The following IGF2BP3 variants were observed in gnomAD, a reference collection of about 807,000 sequenced individuals.
IGF2BP3 encodes the protein insulin like growth factor 2 mRNA binding protein 3.
IGF2BP3 carries 9 observed loss-of-function variants against 73.8 expected under a neutral mutation model. The observed-to-expected ratio is 0.12, with a 90% CI of 0.07 to 0.21. The LOEUF (loss-of-function observed/expected upper bound fraction) is 0.21. IGF2BP3 is among the 10% of genes least tolerant of loss of function. The probability of loss-of-function intolerance (pLI) is 1.00; values close to 1 mark genes in which losing one functional copy is unlikely to be tolerated. For synonymous variants in IGF2BP3, 258 were observed against 256.7 expected, an observed-to-expected ratio of 1.01 and a Z score of -0.05; for missense variants, 542 against 714.0, an observed-to-expected ratio of 0.76 and a Z score of 2.75.
chr7:23,380,794 T>C (rs571558290), intron 3 of IGF2BP3, among the ~76,000 whole-genome samples: 1 of 152,168 alleles, frequency 6.6e-6, no homozygotes, highest in Non-Finnish European at 1.5e-5. Flanking sequence ...GAGACTGGGA[T>C]GATGCAGCTA....
At chr7:23,352,272 TTTTTC>T (rs1471477818) in intron 5 of IGF2BP3, among the ~76,000 whole-genome samples, 1 of 144,474 alleles carries the variant, frequency 6.9e-6, no homozygotes, top group African/African-American at 2.6e-5. Context: ...AGTTTCTCTC[TTTTTC>T]ATTTTTTTTT....
chr7:23,404,615 T>C (rs1378340591), intron 3 of IGF2BP3, among the ~76,000 whole-genome samples: 2 of 152,180 alleles, frequency 1.3e-5, no homozygotes, highest in Non-Finnish European at 2.9e-5. Context: ...ATATATACAA[T>C]AGACATCTAG....
At chr7:23,435,889 T>C (rs770932191) in intron 2 of IGF2BP3, among the ~76,000 whole-genome samples, 3 of 152,022 alleles carry the variant, frequency 2.0e-5, no homozygotes, top group Admixed American at 2.0e-4. Flanking sequence ...TCCTGAGTCA[T>C]TGGAATTACA....
At chr7:23,333,036 A>T (rs1044641302) in intron 10 of IGF2BP3, among the ~76,000 whole-genome samples, 1 of 152,186 alleles carries the variant, frequency 6.6e-6, no homozygotes, top group African/African-American at 2.4e-5. Flanking sequence ...TTTTGTCATG[A>T]CTGTGTAATT....
In IGF2BP3 at chr7:23,310,239, C is replaced by G. The variant is rs1180219701; in HGVS notation, c.*2123G>C. On this transcript the variant is annotated 3_prime_UTR_variant, in exon 15 of 15. Transcript: ENST00000258729. ...CTAAATGATGAAAAAATTTATTCTGCGTCAAGGTATCTGGAAAATGAAGCT... is the reference window on the plus strand; with the variant it reads ...CTAAATGATGAAAAAATTTATTCTGGGTCAAGGTATCTGGAAAATGAAGCT... The G allele has an allele frequency of 1.3e-5, 2 of 152,208 alleles. No individual in the cohort carries two copies. Among genetic ancestry groups the G allele is most frequent in the South Asian group, 2.1e-4 (1 of 4,828 alleles). The allele number at this position is 152,208 out of a possible 1,614,324, so 9.4% of individuals were successfully genotyped here.
intron 6 of IGF2BP3, among the ~76,000 whole-genome samples, chr7:23,351,050 C>G (rs1212960495): frequency 6.6e-6 from 1 of 152,058 alleles, no homozygotes; most frequent in Non-Finnish European, 1.5e-5. Context: ...GCTTCCCCAA[C>G]CAGAAGAGGA....
At chr7:23,420,315 A>T (rs1262354595) in intron 2 of IGF2BP3, among the ~76,000 whole-genome samples, 4 of 152,112 alleles carry the variant, frequency 2.6e-5, no homozygotes, top group African/African-American at 7.2e-5. Context: ...AAATCTTTTT[A>T]AAATTTTTTT....
intron 10 of IGF2BP3, among the ~76,000 whole-genome samples, chr7:23,339,877 T>A (rs1784664993): frequency 6.6e-6 from 1 of 152,222 alleles, no homozygotes; most frequent in Non-Finnish European, 1.5e-5. Flanking sequence ...CATAAACTAG[T>A]GGACATGTTC....
chr7:23,343,677 A>C (rs772451580), intron 9 of IGF2BP3, 41 bp downstream of exon 9: 1 of 1,547,832 alleles, frequency 6.5e-7, no homozygotes, highest in South Asian at 1.1e-5. Flanking sequence ...TGTTTTAACT[A>C]TTTGTTAAAA....
intron 3 of IGF2BP3, chr7:23,413,725 G>T (rs1443468447): frequency 6.6e-6 from 1 of 152,148 alleles, no homozygotes; most frequent in Non-Finnish European, 1.5e-5. Context: ...TGTTTCTGTG[G>T]AGGAATCCTT....
intron 3 of IGF2BP3, among the ~76,000 whole-genome samples, chr7:23,364,546 T>TG (rs1562702077): frequency 3.2e-5 from 1 of 31,584 alleles, no homozygotes; most frequent in African/African-American, 2.0e-4. Context: ...AGACTTTGTG[T>TG]CAAAAAAAAA....
chr7:23,432,790 G>A lies in IGF2BP3; in HGVS notation c.237-13966C>T, dbSNP rs1395830419. On this transcript the variant is annotated intron_variant, in intron 2 of 14. Transcript: ENST00000258729. ...CAAGTAGCTGGGACTACAGGCATGC[G>A]CTACCGCACCCAGCTAATTTTTGTA... Among the ~76,000 whole-genome samples the A allele has an allele frequency of 5.3e-5, 8 of 152,100 alleles. No homozygotes were observed. The East Asian group carries it at 1.4e-3, about 26-fold the overall frequency.
intron 6 of IGF2BP3, 57 bp from the exon 7 acceptor site, chr7:23,347,791 G>C: frequency 6.2e-7 from 1 of 1,605,880 alleles, no homozygotes; most frequent in Non-Finnish European, 8.5e-7. Context: ...TATTCACAGT[G>C]GAGTCTGTAA....
intron 10 of IGF2BP3, among the ~76,000 whole-genome samples, chr7:23,339,518 G>A (rs1784656110): frequency 1.3e-5 from 2 of 152,116 alleles, no homozygotes; most frequent in Non-Finnish European, 2.9e-5. Flanking sequence ...AGGAATTTTG[G>A]CTACTGAAGC....
intron 10 of IGF2BP3, among the ~76,000 whole-genome samples, chr7:23,328,906 T>G (rs1039938091): frequency 1.3e-5 from 2 of 151,818 alleles, no homozygotes; most frequent in African/African-American, 4.8e-5. Context: ...GTAAAAAAAA[T>G]GTAGTAAAAA....
At chr7:23,446,803 T>C (rs771132126) in intron 2 of IGF2BP3, among the ~76,000 whole-genome samples, 3 of 152,090 alleles carry the variant, frequency 2.0e-5, no homozygotes, top group South Asian at 2.1e-4. Context: ...ACTTAACCAA[T>C]TGGTCAAAGT....
At chr7:23,378,017 T>C (rs1017491839) in intron 3 of IGF2BP3, among the ~76,000 whole-genome samples, 3 of 152,210 alleles carry the variant, frequency 2.0e-5, no homozygotes, top group African/African-American at 7.2e-5. Context: ...TTAAAATGTC[T>C]TAAGATTAGT....
chr7:23,392,056 C>T (rs1364462387), intron 3 of IGF2BP3, among the ~76,000 whole-genome samples: 2 of 152,150 alleles, frequency 1.3e-5, no homozygotes, highest in Non-Finnish European at 2.9e-5. Context: ...ACACACAATA[C>T]TGGTGTCACC....
chr7:23,318,750 C>A (rs568699110), intron 11 of IGF2BP3, among the ~76,000 whole-genome samples: 21 of 152,270 alleles, frequency 1.4e-4, no homozygotes, highest in African/African-American at 5.1e-4. Context: ...TAACAAGAAA[C>A]CTCCCTAGAA....
Sources: gnomAD v4.1 joint callset for allele counts (sites outside exome capture counted in the v4.1 genomes callset) on GRCh38, gnomAD v4.1.1 for gene constraint, MANE v1.5 for transcripts, NCBI Gene and HGNC (gene_info 2026-07-23, HGNC 2026-07-21) for gene names.